The following PSD3 variants were observed in gnomAD, a reference collection of about 807,000 sequenced individuals.
PSD3 encodes the protein pleckstrin and Sec7 domain containing 3.
A neutral mutation model predicts 105.5 loss-of-function variants in PSD3; 49 were observed. That is an observed-to-expected ratio of 0.46 (90% confidence interval 0.37 to 0.59). The LOEUF (loss-of-function observed/expected upper bound fraction) is 0.59. Among genes scored for constraint, PSD3 ranks in the 20% least tolerant of loss-of-function variants. PSD3 has a pLI of 0.00. For missense variants in PSD3, 1,561 were observed against 1,263.8 expected, an observed-to-expected ratio of 1.24 and a Z score of -3.57; for synonymous variants, 557 against 457.8, an observed-to-expected ratio of 1.22 and a Z score of -2.77.
intron 8 of PSD3, among the ~76,000 whole-genome samples, chr8:18,779,793 T>C (rs1363063956): frequency 6.6e-6 from 1 of 152,222 alleles, no homozygotes; most frequent in Non-Finnish European, 1.5e-5. Context: ...TCTGAGAAGA[T>C]ACGTGATATT....
chr8:18,650,228 C>T (rs905344448), intron 10 of PSD3, among the ~76,000 whole-genome samples: 1 of 152,190 alleles, frequency 6.6e-6, no homozygotes, highest in Non-Finnish European at 1.5e-5. Context: ...ACATTTTAAA[C>T]AATTCCAACA....
intron 13 of PSD3, among the ~76,000 whole-genome samples, chr8:18,574,340 C>T (rs915977350): frequency 6.6e-6 from 1 of 152,090 alleles, no homozygotes; most frequent in East Asian, 1.9e-4. Context: ...GTAATTAGAT[C>T]TCCTTAGTTA....
chr8:18,677,775 G>A (rs563907436), intron 9 of PSD3, among the ~76,000 whole-genome samples: 1 of 152,118 alleles, frequency 6.6e-6, no homozygotes, highest in Non-Finnish European at 1.5e-5. Context: ...ACTGTGGGAG[G>A]CGAGGCGGCC....
intron 4 of PSD3, among the ~76,000 whole-genome samples, chr8:18,835,217 A>C (rs1053980917): frequency 4.6e-5 from 7 of 152,208 alleles, no homozygotes; most frequent in African/African-American, 1.7e-4. Context: ...TTTTAAGAAA[A>C]GAATCATAAA....
chr8:18,612,630 A>G (rs1372237943), intron 11 of PSD3, among the ~76,000 whole-genome samples: 1 of 152,122 alleles, frequency 6.6e-6, no homozygotes, highest in Non-Finnish European at 1.5e-5. Flanking sequence ...TCGGCCTCCC[A>G]AAGTGCTGGG....
intron 2 of PSD3, among the ~76,000 whole-genome samples, chr8:18,915,095 G>C (rs12545035): frequency 0.049 from 7,427 of 151,972 alleles, 207 homozygotes; most frequent in Admixed American, 0.081. Flanking sequence ...ACACACAATG[G>C]GGAAAGAACA....
intron 1 of PSD3, among the ~76,000 whole-genome samples, chr8:19,075,250 T>C (rs1829428116): frequency 2.0e-5 from 3 of 152,148 alleles, no homozygotes; most frequent in African/African-American, 7.2e-5. Context: ...GCCTGACCAT[T>C]AATTACGAAT....
chr8:18,721,956 C>A (rs1803004981), intron 9 of PSD3, among the ~76,000 whole-genome samples: 1 of 151,962 alleles, frequency 6.6e-6, no homozygotes, highest in Non-Finnish European at 1.5e-5. Context: ...CATAGTAATG[C>A]CACGTAATTT....
intron 11 of PSD3, among the ~76,000 whole-genome samples, chr8:18,606,931 T>C (rs908736812): frequency 4.6e-5 from 7 of 152,214 alleles, no homozygotes; most frequent in Non-Finnish European, 8.8e-5. Flanking sequence ...CATTATTAAC[T>C]ATATTTACAA....
At chr8:18,684,100 A>G in intron 9 of PSD3, 1 of 565,426 alleles carries the variant, frequency 1.8e-6, no homozygotes. Flanking sequence ...CAGCATCTTC[A>G]ACTACCCTGT....
intron 1 of PSD3, among the ~76,000 whole-genome samples, chr8:19,068,359 G>A (rs1284036990): frequency 6.6e-6 from 1 of 151,180 alleles, no homozygotes; most frequent in Admixed American, 6.6e-5. Flanking sequence ...GCATGATCCT[G>A]ACTCACTGTA....
intron 12 of PSD3, among the ~76,000 whole-genome samples, chr8:18,577,378 G>A (rs1309888863): frequency 1.3e-5 from 2 of 151,952 alleles, no homozygotes; most frequent in Non-Finnish European, 2.9e-5. Flanking sequence ...ATTCTTTGAG[G>A]AATGAATGTG....
At chr8:18,884,945 C>T (rs1312401750) in intron 2 of PSD3, among the ~76,000 whole-genome samples, 5 of 152,130 alleles carry the variant, frequency 3.3e-5, no homozygotes, top group South Asian at 2.1e-4. Flanking sequence ...AATTTTAAAC[C>T]GTAGTCTCTG....
chr8:18,836,837 C>A (rs748937222), intron 4 of PSD3, among the ~76,000 whole-genome samples: 3 of 152,042 alleles, frequency 2.0e-5, no homozygotes, highest in Non-Finnish European at 4.4e-5. Context: ...AGGTAACCAT[C>A]CTCCCCTGAC....
chr8:18,940,148 G>C (rs546397116), intron 1 of PSD3: 9 of 152,342 alleles, frequency 5.9e-5, no homozygotes, highest in African/African-American at 2.2e-4. Flanking sequence ...GATGCCGTAG[G>C]TCTGTGGGGC....
intron 2 of PSD3, among the ~76,000 whole-genome samples, chr8:18,901,500 G>A (rs1264200851): frequency 2.6e-5 from 4 of 152,126 alleles, no homozygotes; most frequent in Admixed American, 2.6e-4. Flanking sequence ...TATATCCTTT[G>A]TTCCTTTCTT....
At position 18,614,198 on chromosome 8, in the gene PSD3, T is replaced by G. The variant is rs909609495; in HGVS notation, c.2411-13764A>C. The stretch of plus-strand genomic sequence containing the variant: ...CTTCAGTATTTCCTAACCTTGACTT[T>G]ACTTTTCTTTGGGTCAGTTAACAGC... On this transcript the variant is annotated intron_variant, in intron 11 of 15. Coordinates refer to ENST00000327040, the MANE Select transcript of PSD3 (RefSeq NM_015310.4). 3.3e-5 allele frequency among the ~76,000 whole-genome samples: 5 copies of G among 152,204 alleles called. No individual in the cohort carries two copies. The South Asian group carries it at 6.2e-4, about 19-fold the overall frequency.
chr8:18,995,114 C>A (rs763070023), intron 1 of PSD3, among the ~76,000 whole-genome samples: 1 of 152,108 alleles, frequency 6.6e-6, no homozygotes, highest in Admixed American at 6.6e-5. Context: ...AGAGATTTGG[C>A]CTTAGCAAGT....
intron 2 of PSD3, among the ~76,000 whole-genome samples, chr8:18,920,233 T>C (rs1283035549): frequency 6.6e-6 from 1 of 152,218 alleles, no homozygotes; most frequent in Non-Finnish European, 1.5e-5. Flanking sequence ...CGTAACATTT[T>C]GCAATGCCTT....
Sources: gnomAD v4.1 joint callset for allele counts (sites outside exome capture counted in the v4.1 genomes callset) on GRCh38, gnomAD v4.1.1 for gene constraint, MANE v1.5 for transcripts, NCBI Gene and HGNC (gene_info 2026-07-23, HGNC 2026-07-21) for gene names.